The following FGF13 variants were observed in gnomAD, a reference collection of about 807,000 sequenced individuals.
FGF13 encodes the protein fibroblast growth factor homologous factor 2.
FGF13 carries 2 observed loss-of-function variants against 19.5 expected under a neutral mutation model. The ratio of observed to expected loss-of-function variants is 0.10; its 90% CI spans 0.04 to 0.32. FGF13 has a LOEUF of 0.32. Ranked by LOEUF, FGF13 falls within the 10% of genes least tolerant of loss-of-function variation. FGF13 has a pLI of 1.00. For missense variants in FGF13, 113 were observed against 192.7 expected (o/e 0.59, Z 2.45); for synonymous variants, 72 against 76.9 (o/e 0.94, Z 0.33).
chrX:138,903,926 A>G (rs2091544610), intron 1 of FGF13, among the ~76,000 whole-genome samples: 1 of 111,486 alleles, frequency 9.0e-6, no homozygotes, highest in Admixed American at 9.6e-5. Flanking sequence ...GTGTATATGC[A>G]TGGTAGGTAG....
intron 1 of FGF13, among the ~76,000 whole-genome samples, chrX:138,925,296 G>A (rs1047916900): frequency 9.0e-6 from 1 of 111,024 alleles, no homozygotes; most frequent in Non-Finnish European, 1.9e-5. Flanking sequence ...GCCAACATTT[G>A]ACCCCCTACC....
At chrX:138,657,275 G>A (rs544498080) in intron 3 of FGF13, among the ~76,000 whole-genome samples, 2 of 111,772 alleles carry the variant, frequency 1.8e-5, no homozygotes, top group African/African-American at 6.5e-5. Context: ...TTGATCCTCC[G>A]GGGTCCCATT....
chrX:138,968,801 T>C (rs2091904675), intron 1 of FGF13, among the ~76,000 whole-genome samples: 2 of 111,592 alleles, frequency 1.8e-5, no homozygotes, highest in African/African-American at 6.5e-5. Context: ...AGTGAGAAAA[T>C]TACTTCAGGC....
Position 139,079,936 on chromosome X carries a change from G to C in FGF13, c.-113+123480C>G, listed in dbSNP as rs768283414. 3.6e-5 allele frequency among the ~76,000 whole-genome samples: 4 copies of C among 109,924 alleles called. No individual in the cohort carries two copies. The South Asian group carries it at 1.6e-3, about 43-fold the overall frequency. ...GCACTTAGTGAAGTGCCTTCTTCAT[G>C]GTAAGTACTCAGCAAATGTTAGTTG... On this transcript the variant is annotated intron_variant, in intron 1 of 2. Transcript: ENST00000421460.
At chrX:139,015,803 A>C (rs1260937049) in intron 1 of FGF13, among the ~76,000 whole-genome samples, 2 of 112,150 alleles carry the variant, frequency 1.8e-5, no homozygotes. Context: ...TCCTTACATT[A>C]AATTATACTA....
At chrX:139,082,738 T>A (rs2083379443) in intron 1 of FGF13, among the ~76,000 whole-genome samples, 1 of 111,742 alleles carries the variant, frequency 8.9e-6, no homozygotes, top group Non-Finnish European at 1.9e-5. Context: ...AACGAAAAAA[T>A]TTCCATTATT....
intron 1 of FGF13, among the ~76,000 whole-genome samples, chrX:139,034,991 G>A (rs999669938): frequency 1.6e-4 from 18 of 111,507 alleles, no homozygotes; most frequent in African/African-American, 3.9e-4. Context: ...GTATCTAATC[G>A]TTAGAAAAAT....
chrX:138,941,697 C>T (rs148384637), intron 1 of FGF13, among the ~76,000 whole-genome samples: 3,134 of 111,966 alleles, frequency 0.028, 116 homozygotes, highest in African/African-American at 0.096. Flanking sequence ...GTCCTCAAAC[C>T]TCATGGGATG....
rs772683136 is a variant in FGF13, at chrX:139,103,307, A to C, written c.-113+100109T>G. ...CATCAACTAATGGCTGGATAAACAAAATGTAGCATGTCCATACAATGGAAT... is the reference window on the plus strand; with the variant it reads ...CATCAACTAATGGCTGGATAAACAACATGTAGCATGTCCATACAATGGAAT... On this transcript the variant is annotated intron_variant, in intron 1 of 2. Coordinates refer to the FGF13 transcript ENST00000421460. 3.6e-5 allele frequency among the ~76,000 whole-genome samples: 4 copies of C among 112,441 alleles called. No homozygotes were observed. The South Asian group carries it at 1.5e-3, about 41-fold the overall frequency.
At chrX:138,999,431 A>G (rs968994093) in intron 1 of FGF13, among the ~76,000 whole-genome samples, 1 of 111,505 alleles carries the variant, frequency 9.0e-6, no homozygotes, top group African/African-American at 3.3e-5. Context: ...AAATAAATGG[A>G]CCACTAGCTA....
chrX:139,105,339 A>G (rs768131938), intron 1 of FGF13, among the ~76,000 whole-genome samples: 1 of 111,357 alleles, frequency 9.0e-6, no homozygotes, highest in Non-Finnish European at 1.9e-5. Context: ...TTAATAACTC[A>G]GGGAATTTTT....
At chrX:139,168,765 T>C (rs775977079) in intron 1 of FGF13, among the ~76,000 whole-genome samples, 44 of 111,985 alleles carry the variant, frequency 3.9e-4, no homozygotes, top group Non-Finnish European at 7.5e-4. Context: ...TTATTCACCA[T>C]AGCATCCAAT....
intron 3 of FGF13, among the ~76,000 whole-genome samples, chrX:138,774,914 G>A (rs185930589): frequency 5.1e-4 from 57 of 112,120 alleles, no homozygotes; most frequent in South Asian, 2.2e-3. Context: ...CACCTGCTCC[G>A]AAGCTACCCA....
At chrX:139,020,491 A>C (rs1452831905) in intron 1 of FGF13, among the ~76,000 whole-genome samples, 1 of 110,760 alleles carries the variant, frequency 9.0e-6, no homozygotes, top group African/African-American at 3.3e-5. Flanking sequence ...TTCCTACTAC[A>C]TTACTGCTGT....
At chrX:138,672,291 A>T (rs767159692) in intron 3 of FGF13, among the ~76,000 whole-genome samples, 101 of 111,833 alleles carry the variant, frequency 9.0e-4, no homozygotes, top group Non-Finnish European at 1.7e-3. Flanking sequence ...GGGAGGCATA[A>T]GGATGGAAGC....
chrX:138,920,897 T>C (rs144579504), intron 1 of FGF13, among the ~76,000 whole-genome samples: 1,387 of 111,600 alleles, frequency 0.012, 25 homozygotes, highest in African/African-American at 0.041. Context: ...ATGTAGTTAA[T>C]ATATTATGTA....
At chrX:139,135,394 G>A (rs2083791710) in intron 1 of FGF13, among the ~76,000 whole-genome samples, 1 of 112,567 alleles carries the variant, frequency 8.9e-6, no homozygotes, top group African/African-American at 3.2e-5. Flanking sequence ...CACAGAAAGT[G>A]AAATGCTGCA....
At chrX:138,900,261 T>A (rs1238118463) in intron 1 of FGF13, among the ~76,000 whole-genome samples, 7 of 111,025 alleles carry the variant, frequency 6.3e-5, no homozygotes, top group African/African-American at 2.0e-4. Context: ...CCAGACAGGA[T>A]CATGTCCAAA....
At chrX:139,189,430 T>C (rs2084307334) in intron 1 of FGF13, among the ~76,000 whole-genome samples, 1 of 111,678 alleles carries the variant, frequency 9.0e-6, no homozygotes, top group South Asian at 3.8e-4. Context: ...ATGTGGTCTA[T>C]ATATACAATG....
Sources: allele counts gnomAD v4.1 joint callset (sites outside exome capture counted in the v4.1 genomes callset), GRCh38; gene constraint gnomAD v4.1.1; transcripts MANE v1.5; gene names NCBI Gene and HGNC (gene_info 2026-07-23, HGNC 2026-07-21).